The following KHDRBS2 variants were observed in gnomAD, a reference collection of about 807,000 sequenced individuals.
KHDRBS2 encodes KH RNA binding domain containing, signal transduction associated 2.
Under a neutral mutation model 44.3 loss-of-function variants are expected in KHDRBS2, and 26 were observed. That is an observed-to-expected ratio of 0.59 (90% CI 0.43 to 0.81). The LOEUF is 0.81. Among genes scored for constraint, KHDRBS2 ranks in the 40% least tolerant of loss-of-function variants. The probability of loss-of-function intolerance (pLI) is 0.00; values close to 1 mark genes in which losing one functional copy is unlikely to be tolerated. For missense variants in KHDRBS2, 476 were observed against 433.1 expected (o/e 1.10, Z -0.88); for synonymous variants, 194 against 151.1 (o/e 1.28, Z -2.08).
chr6:61,852,604 G>A (rs190177729), intron 6 of KHDRBS2, among the ~76,000 whole-genome samples: 1 of 150,090 alleles, frequency 6.7e-6, no homozygotes, highest in African/African-American at 2.4e-5. Flanking sequence ...TAATTATTCT[G>A]CTAATACCCA....
At chr6:61,959,252 C>T (rs564568411) in intron 4 of KHDRBS2, among the ~76,000 whole-genome samples, 1 of 152,130 alleles carries the variant, frequency 6.6e-6, no homozygotes, top group African/African-American at 2.4e-5. Context: ...CTCTTAGTTA[C>T]CACATCACTT....
At chr6:61,901,110 C>G in intron 5 of KHDRBS2, 134 bp downstream of exon 5, 1 of 804,236 alleles carries the variant, frequency 1.2e-6, no homozygotes, top group Non-Finnish European at 2.0e-6. Context: ...AAGCTTTCAT[C>G]GTTATTGTTT....
chr6:62,051,898 C>T (rs993398526), intron 2 of KHDRBS2, among the ~76,000 whole-genome samples: 8 of 151,870 alleles, frequency 5.3e-5, no homozygotes, highest in African/African-American at 1.9e-4. Context: ...CATTAATCAT[C>T]AAGAAAATGC....
At chr6:61,940,216 A>T (rs1052119542) in intron 4 of KHDRBS2, among the ~76,000 whole-genome samples, 16 of 150,836 alleles carry the variant, frequency 1.1e-4, no homozygotes, top group Non-Finnish European at 1.2e-4. Context: ...AGGTCTTTGA[A>T]AATAGTGTAG....
chr6:61,679,533 C>T (rs867711881), downstream of KHDRBS2, among the ~76,000 whole-genome samples: 3 of 151,848 alleles, frequency 2.0e-5, no homozygotes, highest in Admixed American at 1.3e-4. Context: ...TTGAGTCCTG[C>T]GACATATTTC....
At chr6:61,877,725 A>G (rs1799634603) in intron 6 of KHDRBS2, among the ~76,000 whole-genome samples, 1 of 152,146 alleles carries the variant, frequency 6.6e-6, no homozygotes, top group Non-Finnish European at 1.5e-5. Flanking sequence ...TTTCAGTGAT[A>G]TTATATTTAA....
chr6:61,708,628 G>A (rs2127549432), intron 7 of KHDRBS2, among the ~76,000 whole-genome samples: 2 of 151,744 alleles, frequency 1.3e-5, no homozygotes, highest in South Asian at 4.2e-4. Context: ...GGGCAGTCAT[G>A]TTTGTGTATA....
chr6:62,023,846 C>CTATG (rs1448731989), intron 3 of KHDRBS2, among the ~76,000 whole-genome samples: 4 of 150,716 alleles, frequency 2.7e-5, no homozygotes, highest in African/African-American at 9.7e-5. Context: ...AAATAATTTA[C>CTATG]TATGTAAAGT....
At chr6:62,061,181 T>C (rs942496979) in intron 2 of KHDRBS2, among the ~76,000 whole-genome samples, 11 of 151,888 alleles carry the variant, frequency 7.2e-5, no homozygotes, top group African/African-American at 2.4e-4. Flanking sequence ...ACATTTAGAG[T>C]TAATATTGTT....
intron 6 of KHDRBS2, among the ~76,000 whole-genome samples, chr6:61,740,713 G>A (rs1369152066): frequency 2.6e-5 from 4 of 151,798 alleles, no homozygotes; most frequent in Non-Finnish European, 5.9e-5. Flanking sequence ...TTGATATAGT[G>A]TAAGGAAATT....
the KHDRBS2 span, among the ~76,000 whole-genome samples, chr6:61,602,122 C>A: frequency 2.6e-5 from 4 of 152,216 alleles, no homozygotes; most frequent in African/African-American, 9.6e-5. Flanking sequence ...CAGTCTGCTC[C>A]CAATATTAAA....
At chr6:61,709,382 A>G (rs868377500) in intron 7 of KHDRBS2, among the ~76,000 whole-genome samples, 4 of 151,658 alleles carry the variant, frequency 2.6e-5, no homozygotes, top group South Asian at 4.1e-4. Flanking sequence ...TAAGGCATCT[A>G]GTGTAGAATT....
the KHDRBS2 span, among the ~76,000 whole-genome samples, chr6:61,560,446 C>G: frequency 6.6e-6 from 1 of 152,130 alleles, no homozygotes; most frequent in Non-Finnish European, 1.5e-5. Flanking sequence ...CTTAGGTTTA[C>G]TCCTTTGAGG....
At chr6:61,804,015 C>T (rs909792003) in intron 6 of KHDRBS2, among the ~76,000 whole-genome samples, 1 of 152,000 alleles carries the variant, frequency 6.6e-6, no homozygotes, top group African/African-American at 2.4e-5. Flanking sequence ...CTCACATTTC[C>T]AAATACAATT....
intron 6 of KHDRBS2, among the ~76,000 whole-genome samples, chr6:61,803,187 C>T (rs1743451): frequency 0.64 from 96,603 of 151,912 alleles, 31,463 homozygotes; most frequent in African/African-American, 0.78. Context: ...TAACTGTGAA[C>T]TGGGAACAAA....
chr6:61,651,517 CA>C, the KHDRBS2 span, among the ~76,000 whole-genome samples: 2 of 151,958 alleles, frequency 1.3e-5, no homozygotes, highest in African/African-American at 4.8e-5. Context: ...ATATGGTGCT[CA>C]AAAAGTTTCA....
the KHDRBS2 span, among the ~76,000 whole-genome samples, chr6:61,615,736 G>T: frequency 0.015 from 2,324 of 152,242 alleles, 164 homozygotes; most frequent in Admixed American, 0.12. Flanking sequence ...TCAGATTAGG[G>T]ATGCTCAAGT....
At chr6:62,065,099 G>A (rs1370548698) in intron 2 of KHDRBS2, among the ~76,000 whole-genome samples, 2 of 152,076 alleles carry the variant, frequency 1.3e-5, no homozygotes, top group African/African-American at 4.8e-5. Context: ...TCTCACACCA[G>A]TTAGAATGGC....
Position 61,732,798 on chromosome 6 carries a change from T to A in KHDRBS2, c.811-34A>T, listed in dbSNP as rs772693246. On this transcript the variant is annotated intron_variant, in intron 6 of 8. Coordinates refer to ENST00000281156, the MANE Select transcript of KHDRBS2 (RefSeq NM_152688.4). ...AAAAAATGGTAGAAACACCTGTTAGTCAATTTGATTAACTTTGATCTGTTT... is the reference window on the plus strand; with the variant it reads ...AAAAAATGGTAGAAACACCTGTTAGACAATTTGATTAACTTTGATCTGTTT... 3.1e-5 allele frequency: 33 copies of A among 1,077,012 alleles called. No homozygotes were observed. The South Asian group carries it at 4.1e-4, about 13-fold the overall frequency. 66.7% of individuals were successfully genotyped at this position (1,077,012 alleles called of 1,614,324 possible).
Sources: allele counts gnomAD v4.1 joint callset (sites outside exome capture counted in the v4.1 genomes callset), GRCh38; gene constraint gnomAD v4.1.1; transcripts MANE v1.5; gene names NCBI Gene and HGNC (gene_info 2026-07-23, HGNC 2026-07-21).